The following LIG3 variants were observed in gnomAD, a reference collection of about 807,000 sequenced individuals.
The protein encoded by LIG3 is DNA ligase 3.
In LIG3, 58 loss-of-function variants were observed where a neutral mutation model predicts 110.9. The observed-to-expected ratio is 0.52, with a 90% CI of 0.42 to 0.65. LIG3 has a LOEUF of 0.65. Among genes scored for constraint, LIG3 ranks in the 30% least tolerant of loss-of-function variants. LIG3 has a pLI of 0.00. For missense variants in LIG3, 1,094 were observed against 1,273.8 expected, an observed-to-expected ratio of 0.86 and a Z score of 2.15; for synonymous variants, 422 against 472.8, an observed-to-expected ratio of 0.89 and a Z score of 1.39.
chr17:35,002,154 A>G, intron 18 of LIG3, 50 bp downstream of exon 18: 2 of 1,459,184 alleles, frequency 1.4e-6, no homozygotes, highest in South Asian at 1.4e-5. Flanking sequence ...TGTGAGGGGC[A>G]GAGATCCAAG....
chr17:34,986,330 G>A (rs1040459235), intron 3 of LIG3, among the ~76,000 whole-genome samples, 199 bp downstream of exon 3: 1 of 151,896 alleles, frequency 6.6e-6, no homozygotes, highest in Non-Finnish European at 1.5e-5. Context: ...TTGGTTTTGG[G>A]GGTTTTTTTG....
At chr17:35,001,839 A>C in intron 17 of LIG3, 70 bp from the exon 18 acceptor site, 1 of 1,420,606 alleles carries the variant, frequency 7.0e-7, no homozygotes, top group East Asian at 2.3e-5. Context: ...AAAATACACC[A>C]CACACACCAC....
chr17:34,998,248 C>T lies in LIG3; in HGVS notation c.1941C>T (p.Thr647=). The T allele has an allele frequency of 6.2e-7, 1 of 1,613,598 alleles. No homozygotes were observed. Among genetic ancestry groups the T allele is most frequent in the Non-Finnish European group, 8.5e-7 (1 of 1,179,744 alleles). Residue 647 remains threonine, a synonymous_variant, in exon 13 of 20, where the codon ACC becomes ACT. Coordinates refer to ENST00000378526, the MANE Select transcript of LIG3 (RefSeq NM_013975.4). ...CTTTGGACTTGGCTGACATGATAAC[C>T]CGGGTGATCCAGGAGGGATTGGAGG... ...TKALDLADMI[T]RVIQEGLEGL... is the part of the protein sequence containing the mutation.
At position 34,983,178 on chromosome 17, in the gene LIG3, C is replaced by A. The variant is rs1597788417; in HGVS notation, c.173C>A (p.Ser58Ter). ...TTCCTGAGAAGAAAGCCTGTTCTAT[C>A]ATTCCAGGGAAGCCATCTAAGATCA... ...PLFLRRKPVL[S>*]FQGSHLRSRA... is the part of the protein sequence containing the mutation. Residue 58 changes from serine (S) to a stop codon, truncating the protein, a stop_gained, in exon 2 of 20, where the codon TCA becomes TAA. Coordinates refer to ENST00000378526, the MANE Select transcript of LIG3 (RefSeq NM_013975.4). LOFTEE classifies it high-confidence loss of function. 4 of 1,614,208 alleles carry A rather than the reference C, an allele frequency of 2.5e-6. No homozygotes were observed. The East Asian group carries it at 8.9e-5, about 36-fold the overall frequency.
intron 19 of LIG3, 168 bp from the exon 20 acceptor site, chr17:35,004,105 A>C: frequency 1.6e-6 from 1 of 609,888 alleles, no homozygotes. Context: ...GTCCTGTATA[A>C]TTTGGAGTGA....
chr17:35,000,062 AAGAG>A (rs1157803223), intron 16 of LIG3, among the ~76,000 whole-genome samples: 3 of 152,230 alleles, frequency 2.0e-5, no homozygotes, highest in Non-Finnish European at 1.5e-5. Flanking sequence ...GCTTTAAAAA[AAGAG>A]AGAGAAGAAG....
At chr17:34,989,782 T>G (rs2090698863) in intron 4 of LIG3, 119 bp downstream of exon 4, 1 of 871,096 alleles carries the variant, frequency 1.1e-6, no homozygotes, top group Admixed American at 2.2e-5. Context: ...AATGCTGTAC[T>G]GTAGTGCTAT....
chr17:34,991,295 A>G, intron 5 of LIG3, 181 bp downstream of exon 5: 1 of 621,088 alleles, frequency 1.6e-6, no homozygotes, highest in Non-Finnish European at 2.7e-6. Context: ...TTAATTTCTT[A>G]AGTTTCTGAG....
intron 13 of LIG3, 84 bp from the exon 14 acceptor site, chr17:34,998,520 A>G: frequency 6.5e-7 from 1 of 1,538,454 alleles, no homozygotes; most frequent in Non-Finnish European, 8.9e-7. Context: ...ACTGGGCTAG[A>G]TCTGGTGTGT....
At position 34,980,541 on chromosome 17, in the gene LIG3, C is replaced by A. The variant is rs2142217445; in HGVS notation, c.-86C>A. ...TAGGACCCGGATTTAAAGAGACAGGCGCTCCAACCGTCGTGGGCTGCCCGC... is the reference window on the plus strand; with the variant it reads ...TAGGACCCGGATTTAAAGAGACAGGAGCTCCAACCGTCGTGGGCTGCCCGC... On this transcript the variant is annotated 5_prime_UTR_variant, in exon 1 of 20. Transcript: ENST00000378526. 7.8e-7 allele frequency: 1 copy of A among 1,286,018 alleles called. No individual in the cohort carries two copies. Among genetic ancestry groups the A allele is most frequent in the Non-Finnish European group, 1.0e-6 (1 of 986,740 alleles). 79.7% of individuals were successfully genotyped at this position (1,286,018 alleles called of 1,614,324 possible).
chr17:35,009,106 A>AG lies in LIG3; in HGVS notation c.*4602dup, dbSNP rs776156204. 30 of 152,682 alleles carry AG rather than the reference A, an allele frequency of 2.0e-4. No individual in the cohort carries two copies. Among genetic ancestry groups the AG allele is most frequent in the Admixed American group, 6.5e-5 (1 of 15,290 alleles). 9.5% of individuals were successfully genotyped at this position (152,682 alleles called of 1,614,324 possible). On this transcript the variant is annotated 3_prime_UTR_variant, in exon 20 of 20. Coordinates refer to ENST00000378526, the MANE Select transcript of LIG3 (RefSeq NM_013975.4). ...AACCTCTAACATCCTCGCACCAGAC[A>AG]GGACAGGTGTCTGTATTGAAACTTT...
intron 7 of LIG3, 72 bp from the exon 8 acceptor site, chr17:34,992,452 G>A: frequency 6.9e-7 from 1 of 1,441,802 alleles, no homozygotes; most frequent in Non-Finnish European, 9.4e-7. Context: ...TGTGAGGACA[G>A]ATTGCTGTCC....
At chr17:34,996,808 G>C (rs1018575071) in intron 11 of LIG3, among the ~76,000 whole-genome samples, 155 bp downstream of exon 11, 2 of 152,226 alleles carry the variant, frequency 1.3e-5, no homozygotes, top group Non-Finnish European at 1.5e-5. Flanking sequence ...GCAATGGCAA[G>C]AGGGAGCTGA....
rs916625978 is a variant in LIG3, at chr17:34,980,516, T to C, written c.-111T>C. On this transcript the variant is annotated 5_prime_UTR_variant, in exon 1 of 20. Coordinates refer to ENST00000378526, the MANE Select transcript of LIG3 (RefSeq NM_013975.4). ...TGCGCCTGCGCGCTGCCTCCCGCTC[T>C]AGGACCCGGATTTAAAGAGACAGGC... 18 of 1,276,020 alleles carry C rather than the reference T, an allele frequency of 1.4e-5. No individual in the cohort carries two copies. The highest frequency in any genetic ancestry group is 4.6e-5 in the African/African-American group (3 of 65,464). 79.0% of individuals were successfully genotyped at this position (1,276,020 alleles called of 1,614,324 possible).
intron 4 of LIG3, 69 bp downstream of exon 4, chr17:34,989,732 A>G: frequency 6.9e-7 from 1 of 1,439,348 alleles, no homozygotes; most frequent in Non-Finnish European, 9.8e-7. Flanking sequence ...CTTCCTGGGC[A>G]TGTGAGCTGT....
At chr17:35,000,068 GAGA>G (rs1414537523) in intron 16 of LIG3, among the ~76,000 whole-genome samples, 4 of 152,166 alleles carry the variant, frequency 2.6e-5, no homozygotes, top group South Asian at 2.1e-4. Flanking sequence ...AAAAAAGAGA[GAGA>G]AGAAGAGAGT....
chr17:34,994,331 T>C lies in LIG3; in HGVS notation c.1511T>C (p.Phe504Ser). 1 of 1,614,162 alleles carries C rather than the reference T, an allele frequency of 6.2e-7. No individual in the cohort carries two copies. The highest frequency in any genetic ancestry group is 8.5e-7 in the Non-Finnish European group (1 of 1,180,028). Residue 504 changes from phenylalanine to serine, a missense_variant, in exon 9 of 20, where the codon TTC becomes TCC. Phe to Ser is a radical substitution (Grantham distance 155). Coordinates refer to ENST00000378526, the MANE Select transcript of LIG3 (RefSeq NM_013975.4). ...YAMKKCPNGM[F>S]SEIKYDGERV... ...ATGAAGAAATGTCCCAATGGCATGTTCTCTGAGATCAAGTACGATGGAGAG... is the reference window on the plus strand; with the variant it reads ...ATGAAGAAATGTCCCAATGGCATGTCCTCTGAGATCAAGTACGATGGAGAG...
At chr17:34,987,288 T>A (rs1442617368) in intron 3 of LIG3, among the ~76,000 whole-genome samples, 1 of 152,260 alleles carries the variant, frequency 6.6e-6, no homozygotes, top group Non-Finnish European at 1.5e-5. Context: ...GGCTTTTATA[T>A]ATGTAGTTTC....
At chr17:34,983,588 T>A (rs200545036) in intron 2 of LIG3, 36 bp downstream of exon 2, 174 of 1,565,572 alleles carry the variant, frequency 1.1e-4, no homozygotes, top group Non-Finnish European at 1.7e-6. Context: ...ATCTTACTGG[T>A]GCTGAGAGAA....
Sources: gnomAD v4.1 joint callset for allele counts (sites outside exome capture counted in the v4.1 genomes callset) on GRCh38, gnomAD v4.1.1 for gene constraint, MANE v1.5 for transcripts, NCBI Gene and HGNC (gene_info 2026-07-23, HGNC 2026-07-21) for gene names.